Variants in MCU observed in about 807,000 individuals in gnomAD.
The protein encoded by MCU is mitochondrial calcium uniporter.
MCU carries 12 observed loss-of-function variants against 45.2 expected under a neutral mutation model. The observed-to-expected ratio is 0.27, with a 90% CI of 0.17 to 0.43. MCU has a LOEUF of 0.43. MCU is among the 20% of genes least tolerant of loss of function. The probability of loss-of-function intolerance (pLI) is 1.00; values close to 1 mark genes in which losing one functional copy is unlikely to be tolerated. For missense variants in MCU, 324 were observed against 436.7 expected (o/e 0.74, Z 2.30); for synonymous variants, 160 against 165.1 (o/e 0.97, Z 0.24).
chr10:72,714,343 G>GTTTTTTTTTTTTTTTT, intron 1 of MCU, among the ~76,000 whole-genome samples: 6 of 49,486 alleles, frequency 1.2e-4, no homozygotes, highest in African/African-American at 2.2e-4. Context: ...CCCCGCCCTG[G>GTTTTTTTTTTTTTTTT]TCTTTTTTTT....
intron 1 of MCU, among the ~76,000 whole-genome samples, chr10:72,716,841 C>G (rs1285972148): frequency 6.6e-6 from 1 of 152,070 alleles, no homozygotes; most frequent in Non-Finnish European, 1.5e-5. Flanking sequence ...CCATTGTACT[C>G]CAGCCTGGAT....
intron 1 of MCU, among the ~76,000 whole-genome samples, chr10:72,818,865 C>T (rs911149006): frequency 1.3e-5 from 2 of 151,324 alleles, no homozygotes; most frequent in East Asian, 3.9e-4. Context: ...AAAAATACTA[C>T]TGACTCAACA....
intron 2 of MCU, among the ~76,000 whole-genome samples, chr10:72,837,526 T>C (rs898984993): frequency 1.3e-5 from 2 of 152,146 alleles, no homozygotes; most frequent in African/African-American, 2.4e-5. Context: ...TAGATAGTAA[T>C]AGTTAACACC....
chr10:72,874,698 C>G (rs1258590220), intron 6 of MCU, among the ~76,000 whole-genome samples: 6 of 152,214 alleles, frequency 3.9e-5, no homozygotes. Flanking sequence ...TGTGAACGAA[C>G]TGAACAGTCA....
chr10:72,848,577 CA>C (rs1417530110), intron 2 of MCU, among the ~76,000 whole-genome samples: 1 of 152,152 alleles, frequency 6.6e-6, no homozygotes. Context: ...TCCTGCCTCT[CA>C]ACACTGTTAA....
At chr10:72,758,937 A>G (rs1476482956) in intron 1 of MCU, among the ~76,000 whole-genome samples, 1 of 152,176 alleles carries the variant, frequency 6.6e-6, no homozygotes, top group Non-Finnish European at 1.5e-5. Flanking sequence ...AAAATGCAGT[A>G]TTATTTAATG....
chr10:72,850,582 CTG>C (rs963211983), intron 2 of MCU, among the ~76,000 whole-genome samples: 4 of 152,134 alleles, frequency 2.6e-5, no homozygotes, highest in African/African-American at 7.2e-5. Flanking sequence ...TATTTTATGA[CTG>C]TTTTTTTCAA....
intron 1 of MCU, chr10:72,760,712 CTTTCTT>C (rs1269875364): frequency 1.8e-4 from 21 of 116,826 alleles, no homozygotes; most frequent in African/African-American, 6.0e-4. Flanking sequence ...TTTTTTTTTT[CTTTCTT>C]TTTTTTTTTT....
At chr10:72,879,905 G>C (rs1845674743) in intron 6 of MCU, among the ~76,000 whole-genome samples, 1 of 152,052 alleles carries the variant, frequency 6.6e-6, no homozygotes, top group South Asian at 2.1e-4. Flanking sequence ...AAAATCAGCT[G>C]GGCATGGTGG....
At position 72,868,734 on chromosome 10, in the gene MCU, G is replaced by A; in HGVS notation, c.528G>A (p.Leu176=). Residue 176 remains leucine (L), a synonymous_variant, in exon 5 of 8, where the codon CTG becomes CTA. Transcript: ENST00000373053. ...DLLSHENAAT[L]NDVKTLVQQL... is the part of the protein sequence containing the mutation. ...TAAGTCATGAAAATGCAGCAACGCT[G>A]AATGATGTAAAGACATTGGTCCAGC... 6.2e-7 allele frequency: 1 copy of A among 1,614,004 alleles called. No individual in the cohort carries two copies. The highest frequency in any genetic ancestry group is 8.5e-7 in the Non-Finnish European group (1 of 1,179,986).
intron 1 of MCU, among the ~76,000 whole-genome samples, chr10:72,695,768 T>C (rs978893243): frequency 2.6e-5 from 4 of 151,798 alleles, no homozygotes; most frequent in Non-Finnish European, 4.4e-5. Flanking sequence ...TGGAGTTCAT[T>C]GACACTGTCA....
chr10:72,867,117 A>G (rs1243061294), intron 4 of MCU, among the ~76,000 whole-genome samples: 1 of 150,420 alleles, frequency 6.6e-6, no homozygotes, highest in Non-Finnish European at 1.5e-5. Context: ...CTCTAATCCA[A>G]TTTGCTACCT....
intron 1 of MCU, among the ~76,000 whole-genome samples, chr10:72,809,885 A>T (rs967109892): frequency 6.6e-6 from 1 of 152,150 alleles, no homozygotes; most frequent in Non-Finnish European, 1.5e-5. Flanking sequence ...ATTCAAAGAA[A>T]AGAATTTCAG....
At chr10:72,700,149 C>G (rs1207151659) in intron 1 of MCU, among the ~76,000 whole-genome samples, 1 of 148,100 alleles carries the variant, frequency 6.8e-6, no homozygotes, top group African/African-American at 2.5e-5. Flanking sequence ...AGCCTCTGCC[C>G]CCAGAGTTCA....
chr10:72,805,800 A>G (rs1053472101), intron 1 of MCU, among the ~76,000 whole-genome samples: 14 of 152,224 alleles, frequency 9.2e-5, no homozygotes, highest in African/African-American at 3.1e-4. Context: ...AGTCTAGTAG[A>G]TGAACAAACA....
At chr10:72,830,674 G>A (rs1041973710) in intron 1 of MCU, among the ~76,000 whole-genome samples, 3 of 152,120 alleles carry the variant, frequency 2.0e-5, no homozygotes, top group African/African-American at 7.2e-5. Context: ...TCTTAGAATA[G>A]GAAGGAGAAT....
chr10:72,767,520 A>AT (rs905333158), intron 1 of MCU, among the ~76,000 whole-genome samples: 2 of 151,492 alleles, frequency 1.3e-5, no homozygotes, highest in Admixed American at 1.3e-4. Flanking sequence ...CTGTGTTTTA[A>AT]TTTTTTTTGT....
At chr10:72,864,368 T>C (rs959688671) in intron 4 of MCU, among the ~76,000 whole-genome samples, 3 of 152,152 alleles carry the variant, frequency 2.0e-5, no homozygotes, top group Admixed American at 6.5e-5. Flanking sequence ...AAAAGTGATA[T>C]GACATTGCAA....
chr10:72,717,352 C>T (rs932980136), intron 1 of MCU, among the ~76,000 whole-genome samples: 3 of 151,844 alleles, frequency 2.0e-5, no homozygotes, highest in Non-Finnish European at 4.4e-5. Flanking sequence ...CTCTACCTCC[C>T]GAGTTCAAGC....
Sources: allele counts gnomAD v4.1 joint callset (sites outside exome capture counted in the v4.1 genomes callset), GRCh38; gene constraint gnomAD v4.1.1; transcripts MANE v1.5; gene names NCBI Gene and HGNC (gene_info 2026-07-23, HGNC 2026-07-21).